The following FBXO47 variants were observed in gnomAD, a reference collection of about 807,000 sequenced individuals.
The protein encoded by FBXO47 is F-box only protein 47.
In FBXO47, 34 loss-of-function variants were observed where a neutral mutation model predicts 53.9. That is an observed-to-expected ratio of 0.63 (90% CI 0.48 to 0.84). The LOEUF is 0.84. FBXO47 is among the 40% of genes least tolerant of loss of function. FBXO47 has a pLI of 0.00. For synonymous variants in FBXO47, 165 were observed against 181.6 expected (o/e 0.91, Z 0.73); for missense variants, 485 against 541.3 (o/e 0.90, Z 1.03).
At chr17:38,948,112 T>C (rs990850522) in intron 6 of FBXO47, among the ~76,000 whole-genome samples, 5 of 152,068 alleles carry the variant, frequency 3.3e-5, no homozygotes, top group African/African-American at 1.2e-4. Flanking sequence ...TCCTGTTCTT[T>C]TTGCTATCAT....
At position 38,951,618 on chromosome 17, in the gene FBXO47, G is replaced by A. The variant is rs752985105; in HGVS notation, c.579C>T (p.Leu193=). The change falls in exon 6 of 11, where the codon CTC becomes CTT. Residue 193 remains leucine, a synonymous_variant. Transcript: ENST00000378079. ...VYNFLCELTN[L]CRKIQMAVCS... Reference sequence around the variant, plus strand: ...AGACAGCCATTTGTATCTTGCGGCAGAGATTAGTCAGTTCGCATAAGAAAT... The same window carrying A: ...AGACAGCCATTTGTATCTTGCGGCAAAGATTAGTCAGTTCGCATAAGAAAT... 10 of 1,614,014 alleles carry A rather than the reference G, an allele frequency of 6.2e-6. No individual in the cohort carries two copies. The highest frequency in any genetic ancestry group is 8.5e-6 in the Non-Finnish European group (10 of 1,179,950).
intron 2 of FBXO47, among the ~76,000 whole-genome samples, 197 bp from the exon 3 acceptor site, chr17:38,962,244 C>G (rs1905849217): frequency 6.6e-6 from 1 of 152,076 alleles, no homozygotes; most frequent in Admixed American, 6.5e-5. Context: ...TTGGATTTAC[C>G]AATCAAGGTA....
chr17:38,949,461 C>CAAT, intron 6 of FBXO47, among the ~76,000 whole-genome samples: 1 of 151,796 alleles, frequency 6.6e-6, no homozygotes, highest in Non-Finnish European at 1.5e-5. Flanking sequence ...ACAATAACAA[C>CAAT]AACAACAACA....
chr17:38,954,300 A>T (rs1248884504), intron 5 of FBXO47, among the ~76,000 whole-genome samples: 5 of 152,112 alleles, frequency 3.3e-5, no homozygotes, highest in East Asian at 1.9e-4. Context: ...TCCGTCTCAA[A>T]AAATAAATAA....
chr17:38,949,222 G>A (rs1905082886), intron 6 of FBXO47, among the ~76,000 whole-genome samples: 1 of 151,918 alleles, frequency 6.6e-6, no homozygotes, highest in African/African-American at 2.4e-5. Context: ...TTTGAGACCA[G>A]GCTGGACAAC....
chr17:38,944,875 A>G (rs893613779), intron 7 of FBXO47, 85 bp downstream of exon 7: 2 of 645,742 alleles, frequency 3.1e-6, no homozygotes, highest in Non-Finnish European at 2.3e-6. Context: ...TGTGTGTATA[A>G]TATATGCTTC....
chr17:38,937,451 G>C (rs1204389083), intron 10 of FBXO47, among the ~76,000 whole-genome samples, 161 bp from the exon 11 acceptor site: 1 of 152,014 alleles, frequency 6.6e-6, no homozygotes, highest in African/African-American at 2.4e-5. Flanking sequence ...CTGCCTCCTG[G>C]GTTCAAGCAA....
intron 6 of FBXO47, among the ~76,000 whole-genome samples, chr17:38,947,884 C>T (rs1230143446): frequency 1.3e-5 from 2 of 152,010 alleles, no homozygotes; most frequent in Non-Finnish European, 2.9e-5. Context: ...GCACTCTAGC[C>T]TGGGCGACAG....
chr17:38,936,593 CTATATA>C lies in FBXO47; in HGVS notation c.*576_*581del, dbSNP rs3834564. On this transcript the variant is annotated 3_prime_UTR_variant, in exon 11 of 11. Transcript: ENST00000378079. Reference sequence around the variant, plus strand: ...GAAATATATGTCTGTGTGTGTGTGTCTATATATATATATAGACATATATGTATACTT... The same window carrying C: ...GAAATATATGTCTGTGTGTGTGTGTCTATATATAGACATATATGTATACTT... The C allele has an allele frequency of 6.7e-6, 1 of 150,158 alleles. No homozygotes were observed. The highest frequency in any genetic ancestry group is 1.5e-5 in the Non-Finnish European group (1 of 67,498). 9.3% of individuals were successfully genotyped at this position (150,158 alleles called of 1,614,324 possible).
chr17:38,951,757 A>C, intron 5 of FBXO47, 68 bp from the exon 6 acceptor site: 3 of 1,197,440 alleles, frequency 2.5e-6, no homozygotes, highest in Non-Finnish European at 3.7e-6. Flanking sequence ...CACACCAGGC[A>C]TGGTGGCTCA....
chr17:38,945,955 A>G (rs1250340841), intron 6 of FBXO47, among the ~76,000 whole-genome samples: 1 of 135,966 alleles, frequency 7.4e-6, no homozygotes, highest in Non-Finnish European at 1.5e-5. Flanking sequence ...AAAAATATAT[A>G]TATATATATA....
In FBXO47 at chr17:38,937,706, C is replaced by T. The variant is rs543711453; in HGVS notation, c.1244-416G>A. Among the ~76,000 whole-genome samples the T allele has an allele frequency of 1.6e-4, 24 of 150,960 alleles. 1 individual carries two copies. The highest frequency in any genetic ancestry group is 3.0e-4 in the Non-Finnish European group (20 of 67,748). On this transcript the variant is annotated intron_variant, in intron 10 of 10. Transcript: ENST00000378079. ...TTTTTGAGACAGCGTCTCCCTGTGT[C>T]GCCCAGGCTGGAGTGCAGTGGCACA...
chr17:38,961,825 T>C (rs1905825377), intron 3 of FBXO47, 52 bp downstream of exon 3: 4 of 1,495,562 alleles, frequency 2.7e-6, no homozygotes, highest in Middle Eastern at 1.7e-4. Flanking sequence ...ACTAAGTTTC[T>C]CTTAATTAAG....
intron 6 of FBXO47, among the ~76,000 whole-genome samples, chr17:38,946,687 AATAT>A (rs1904895654): frequency 1.5e-3 from 1 of 680 alleles, no homozygotes; most frequent in Non-Finnish European, 2.8e-3. Flanking sequence ...AATATATATG[AATAT>A]ATAAATATAT....
In FBXO47 at chr17:38,942,858, T is replaced by C. The variant is rs1228262655; in HGVS notation, c.1003A>G (p.Ile335Val). 6 of 1,613,072 alleles carry C rather than the reference T, an allele frequency of 3.7e-6. No homozygotes were observed. The East Asian group carries it at 1.1e-4, about 30-fold the overall frequency. The change falls in exon 9 of 11, where the codon ATC (isoleucine) becomes GTC (valine). Residue 335 changes from isoleucine (I) to valine (V), a missense_variant. By Grantham distance (29) the Ile-to-Val change is conservative (BLOSUM62 3). Coordinates refer to ENST00000378079, the MANE Select transcript of FBXO47 (RefSeq NM_001008777.3). ...ARLLMLSGNN[I>V]CFSFMASKAV... is the part of the protein sequence containing the mutation. ...TTACTAGCCATGAAACTGAAACAGA[T>C]GTTGTTTCCACTTAGCATTAGGAGA...
intron 4 of FBXO47, among the ~76,000 whole-genome samples, chr17:38,955,536 T>C (rs954562890): frequency 3.7e-4 from 56 of 151,966 alleles, no homozygotes; most frequent in African/African-American, 1.3e-3. Context: ...CTCTGCCTCC[T>C]GGGTTCAAGT....
intron 10 of FBXO47, 142 bp from the exon 11 acceptor site, chr17:38,937,432 C>A (rs1261869244): frequency 3.1e-6 from 1 of 327,266 alleles, no homozygotes; most frequent in African/African-American, 2.2e-5. Flanking sequence ...TCTCGGCTCA[C>A]TGCAACCTCT....
At chr17:38,938,477 C>A (rs878933008) in intron 10 of FBXO47, 96 bp downstream of exon 10, 125 of 644,630 alleles carry the variant, frequency 1.9e-4, no homozygotes, top group Middle Eastern at 3.1e-4. Flanking sequence ...TTTTTTTTTT[C>A]CATTCTTGGA....
intron 5 of FBXO47, among the ~76,000 whole-genome samples, chr17:38,952,416 C>T (rs1259128203): frequency 6.6e-6 from 1 of 152,080 alleles, no homozygotes; most frequent in Non-Finnish European, 1.5e-5. Flanking sequence ...AATTTTTACC[C>T]ATTATGGAAC....
Sources: gnomAD v4.1 joint callset for allele counts (sites outside exome capture counted in the v4.1 genomes callset) on GRCh38, gnomAD v4.1.1 for gene constraint, MANE v1.5 for transcripts, NCBI Gene and HGNC (gene_info 2026-07-23, HGNC 2026-07-21) for gene names.